Variants in TRIP12 observed in about 807,000 individuals in gnomAD.
TRIP12 encodes E3 ubiquitin-protein ligase TRIP12.
TRIP12 carries 25 observed loss-of-function variants against 244.2 expected under a neutral mutation model. That is an observed-to-expected ratio of 0.10 (90% CI 0.07 to 0.14). TRIP12 has a LOEUF of 0.14. Among genes scored for constraint, TRIP12 ranks in the 10% least tolerant of loss-of-function variants. TRIP12 has a pLI of 1.00. For missense variants in TRIP12, 1,677 were observed against 2,486.4 expected (o/e 0.67, Z 6.92); for synonymous variants, 905 against 873.1 (o/e 1.04, Z -0.64).
intron 6 of TRIP12, among the ~76,000 whole-genome samples, chr2:229,832,999 C>G (rs1234049228): frequency 6.6e-6 from 1 of 152,162 alleles, no homozygotes; most frequent in Non-Finnish European, 1.5e-5. Flanking sequence ...AACAAACACA[C>G]AGAAATCTAA....
intron 1 of TRIP12, among the ~76,000 whole-genome samples, chr2:229,889,284 A>G (rs62190446): frequency 0.015 from 2,325 of 152,342 alleles, 31 homozygotes; most frequent in Non-Finnish European, 0.025. Flanking sequence ...GGTCCAAAAT[A>G]GACCAAAAAT....
intron 16 of TRIP12, 83 bp from the exon 17 acceptor site, chr2:229,807,947 C>T (rs1368935614): frequency 2.1e-6 from 3 of 1,424,916 alleles, no homozygotes; most frequent in Middle Eastern, 2.2e-4. Flanking sequence ...TAATCTCACA[C>T]AAACCAAAAG....
chr2:229,892,542 T>C (rs778389430), intron 1 of TRIP12, among the ~76,000 whole-genome samples: 1 of 152,144 alleles, frequency 6.6e-6, no homozygotes, highest in Admixed American at 6.5e-5. Flanking sequence ...GGTAAAGACA[T>C]TGTCACCCAT....
At chr2:229,864,713 A>G (rs1451751483) in intron 2 of TRIP12, among the ~76,000 whole-genome samples, 1 of 152,098 alleles carries the variant, frequency 6.6e-6, no homozygotes, top group Non-Finnish European at 1.5e-5. Flanking sequence ...TATTGACATT[A>G]TTTCTCTATT....
In TRIP12 at chr2:229,820,484, T is replaced by G. The variant is rs917695164; in HGVS notation, c.1451-1972A>C. 1.7e-3 allele frequency among the ~76,000 whole-genome samples: 258 copies of G among 152,294 alleles called. 1 individual carries two copies. The highest frequency in any genetic ancestry group is 6.8e-3 in the Middle Eastern group (2 of 294). ...AGAATCATTTTATACTCTTAAAAACTACTGAGGTACCACAAAGCACTTTTG... is the reference window on the plus strand; with the variant it reads ...AGAATCATTTTATACTCTTAAAAACGACTGAGGTACCACAAAGCACTTTTG... On this transcript the variant is annotated intron_variant, in intron 8 of 41. Transcript: ENST00000675903.
chr2:229,787,876 C>T (rs1420207642), intron 32 of TRIP12, among the ~76,000 whole-genome samples: 2 of 152,168 alleles, frequency 1.3e-5, no homozygotes, highest in African/African-American at 4.8e-5. Flanking sequence ...GATCTAGGCA[C>T]ACTGCAACCG....
intron 15 of TRIP12, among the ~76,000 whole-genome samples, 194 bp downstream of exon 15, chr2:229,810,686 T>C (rs993654351): frequency 6.6e-6 from 1 of 152,230 alleles, no homozygotes; most frequent in Non-Finnish European, 1.5e-5. Context: ...ATTTAATTTA[T>C]ACTTTAAAAG....
At chr2:229,865,329 AAAAAAAAAAAAAAAGAAAG>A (rs1258429911) in intron 2 of TRIP12, among the ~76,000 whole-genome samples, 54 of 66,518 alleles carry the variant, frequency 8.1e-4, no homozygotes, top group African/African-American at 1.9e-3. Context: ...AAAAAAAAAA[AAAAAAAAAAAAAAAGAAAG>A]AAAGAAAGCA....
intron 8 of TRIP12, among the ~76,000 whole-genome samples, chr2:229,823,221 CAA>C (rs2050552059): frequency 2.0e-5 from 3 of 152,146 alleles, no homozygotes; most frequent in African/African-American, 4.8e-5. Context: ...CTCACATATT[CAA>C]AAGTTCAGTG....
chr2:229,861,183 A>G (rs549842295), intron 2 of TRIP12, among the ~76,000 whole-genome samples: 1 of 152,344 alleles, frequency 6.6e-6, no homozygotes, highest in Non-Finnish European at 1.5e-5. Flanking sequence ...ATTTACCACA[A>G]AAGTTCCAAA....
At chr2:229,910,851 C>T (rs1439555723) in intron 1 of TRIP12, among the ~76,000 whole-genome samples, 3 of 152,188 alleles carry the variant, frequency 2.0e-5, no homozygotes, top group African/African-American at 7.2e-5. Context: ...AAAATCAACA[C>T]TAACATTACT....
Position 229,901,083 on chromosome 2 carries a change from G to A in TRIP12, c.-50+20797C>T, listed in dbSNP as rs2070650248. 2.0e-5 allele frequency among the ~76,000 whole-genome samples: 3 copies of A among 151,174 alleles called. No individual in the cohort carries two copies. The East Asian group carries it at 6.2e-4, about 31-fold the overall frequency. ...CTAGTAGCTGGGATTACAGGCATGT[G>A]CCACAACGCCTGGCTAATTTTTGTA... On this transcript the variant is annotated intron_variant, in intron 1 of 41. Coordinates refer to ENST00000675903, the MANE Select transcript of TRIP12 (RefSeq NM_001348323.3).
intron 8 of TRIP12, among the ~76,000 whole-genome samples, chr2:229,822,815 A>G (rs1422077820): frequency 6.6e-6 from 1 of 152,186 alleles, no homozygotes; most frequent in Non-Finnish European, 1.5e-5. Flanking sequence ...AATACAAGCA[A>G]AGATGGACAA....
chr2:229,792,606 ACAAT>A (rs1158477486), intron 27 of TRIP12, among the ~76,000 whole-genome samples: 1 of 151,966 alleles, frequency 6.6e-6, no homozygotes, highest in Non-Finnish European at 1.5e-5. Context: ...GTTCACGGCA[ACAAT>A]CAAAGTTTCA....
At chr2:229,776,897 G>T (rs567653157) in intron 37 of TRIP12, among the ~76,000 whole-genome samples, 5 of 152,164 alleles carry the variant, frequency 3.3e-5, no homozygotes, top group African/African-American at 1.2e-4. Context: ...TGGCACTCAT[G>T]GTGACCTTTA....
At position 229,766,264 on chromosome 2, in the gene TRIP12, G is replaced by T. The variant is rs1187016315; in HGVS notation, c.*1290C>A. On this transcript the variant is annotated 3_prime_UTR_variant, in exon 42 of 42. Transcript: ENST00000675903. ...TTTCTTCAAGTTGCTATTATAAATT[G>T]TTTGAATAGCAAAATCAGCCATGAC... The T allele has an allele frequency of 6.6e-6, 1 of 152,060 alleles. No individual in the cohort carries two copies. Among genetic ancestry groups the T allele is most frequent in the African/African-American group, 2.4e-5 (1 of 41,402 alleles). 9.4% of individuals were successfully genotyped at this position (152,060 alleles called of 1,614,324 possible). A position where few individuals can be genotyped will look rare whatever the true frequency, so the allele number is the denominator to read the frequency against.
At chr2:229,832,549 G>C (rs1387479355) in intron 6 of TRIP12, among the ~76,000 whole-genome samples, 2 of 152,204 alleles carry the variant, frequency 1.3e-5, no homozygotes, top group East Asian at 3.8e-4. Context: ...CTACTTACAG[G>C]TAGGCAGCAT....
intron 2 of TRIP12, among the ~76,000 whole-genome samples, chr2:229,864,689 C>A (rs1394650684): frequency 6.6e-6 from 1 of 152,088 alleles, no homozygotes; most frequent in Non-Finnish European, 1.5e-5. Flanking sequence ...TGAACCAACA[C>A]TACTTCCACG....
At chr2:229,783,993 C>A (rs1345258438) in intron 34 of TRIP12, among the ~76,000 whole-genome samples, 1 of 151,460 alleles carries the variant, frequency 6.6e-6, no homozygotes, top group Non-Finnish European at 1.5e-5. Context: ...GCCTGTAATC[C>A]CAGCTACTCT....
Sources: gnomAD v4.1 joint callset for allele counts (sites outside exome capture counted in the v4.1 genomes callset) on GRCh38, gnomAD v4.1.1 for gene constraint, MANE v1.5 for transcripts, NCBI Gene and HGNC (gene_info 2026-07-23, HGNC 2026-07-21) for gene names.